The following MGAT4C variants were observed in gnomAD, a reference collection of about 807,000 sequenced individuals.
MGAT4C encodes alpha-1,3-mannosyl-glycoprotein 4-beta-N-acetylglucosaminyltransferase C.
MGAT4C carries 19 observed loss-of-function variants against 40.1 expected under a neutral mutation model. The ratio of observed to expected loss-of-function variants is 0.47; its 90% CI spans 0.33 to 0.70. MGAT4C has a LOEUF of 0.70. MGAT4C is among the 30% of genes least tolerant of loss of function. MGAT4C has a pLI of 0.02. For synonymous variants in MGAT4C, 181 were observed against 187.1 expected, an observed-to-expected ratio of 0.97 and a Z score of 0.27; for missense variants, 491 against 563.2, an observed-to-expected ratio of 0.87 and a Z score of 1.30.
intron 4 of MGAT4C, among the ~76,000 whole-genome samples, chr12:86,277,971 C>T (rs1250303147): frequency 3.9e-5 from 6 of 152,068 alleles, no homozygotes; most frequent in Non-Finnish European, 1.5e-5. Context: ...ATTAAATCTA[C>T]AGATTGCTTT....
chr12:85,969,175 T>A lies in MGAT4C; in HGVS notation c.*10114A>T, dbSNP rs554387960. The A allele has an allele frequency of 6.6e-6, 1 of 151,870 alleles. No individual in the cohort carries two copies. The highest frequency in any genetic ancestry group is 2.1e-4 in the South Asian group (1 of 4,828). The allele number at this position is 151,870 out of a possible 1,614,324, so 9.4% of individuals were successfully genotyped here. A position where few individuals can be genotyped will look rare whatever the true frequency, so the allele number is the denominator to read the frequency against. The stretch of plus-strand genomic sequence containing the variant: ...TTGAAAAGATGATTCTTTTGCATGA[T>A]GACTTGTTATAATCATTACTTTCAT... On this transcript the variant is annotated 3_prime_UTR_variant, in exon 5 of 5. Coordinates refer to ENST00000611864, the MANE Select transcript of MGAT4C (RefSeq NM_001351288.2).
intron 1 of MGAT4C, among the ~76,000 whole-genome samples, chr12:86,755,606 C>A (rs553621623): frequency 2.6e-4 from 38 of 146,488 alleles, no homozygotes; most frequent in Non-Finnish European, 2.9e-4. Flanking sequence ...CTTTCTCTCT[C>A]TCTCTTTCTT....
At chr12:85,982,894 T>C (rs1884773332) in intron 4 of MGAT4C, among the ~76,000 whole-genome samples, 2 of 152,276 alleles carry the variant, frequency 1.3e-5, no homozygotes, top group African/African-American at 4.8e-5. Flanking sequence ...AAGAAGGCCA[T>C]TGATGATGGA....
chr12:86,669,432 C>G (rs1257706753), intron 2 of MGAT4C, among the ~76,000 whole-genome samples: 1 of 152,158 alleles, frequency 6.6e-6, no homozygotes, highest in African/African-American at 2.4e-5. Flanking sequence ...AATGTTGGTG[C>G]AGAGGGTCCC....
intron 2 of MGAT4C, among the ~76,000 whole-genome samples, chr12:86,578,188 G>GAATGCT (rs1390758062): frequency 6.6e-6 from 1 of 151,794 alleles, no homozygotes; most frequent in African/African-American, 2.4e-5. Context: ...ATAGGAGGGT[G>GAATGCT]AATGCTAATG....
Position 85,958,224 on chromosome 12 carries a change from A to G in MGAT4C, c.*21065T>C, listed in dbSNP as rs1243052858. 6.6e-6 allele frequency: 1 copy of G among 152,170 alleles called. No individual in the cohort carries two copies. The highest frequency in any genetic ancestry group is 1.9e-4 in the East Asian group (1 of 5,172). 9.4% of individuals were successfully genotyped at this position (152,170 alleles called of 1,614,324 possible). On this transcript the variant is annotated 3_prime_UTR_variant, in exon 5 of 5. Transcript: ENST00000611864. The stretch of plus-strand genomic sequence containing the variant: ...GTAGCTAGGACCACAGGCGTGCTCT[A>G]CCACACTCAGATAATGTTTTGTATT...
At position 85,962,511 on chromosome 12, in the gene MGAT4C, G is replaced by A. The variant is rs1228333553; in HGVS notation, c.*16778C>T. The A allele has an allele frequency of 6.7e-6, 1 of 149,156 alleles. No individual in the cohort carries two copies. The highest frequency in any genetic ancestry group is 1.5e-5 in the Non-Finnish European group (1 of 67,128). 9.2% of individuals were successfully genotyped at this position (149,156 alleles called of 1,614,324 possible). On this transcript the variant is annotated 3_prime_UTR_variant, in exon 5 of 5. Coordinates refer to ENST00000611864, the MANE Select transcript of MGAT4C (RefSeq NM_001351288.2). ...TTTTATCCTCACAACAATTCAACAT[G>A]ATATGTATGGTTATTACTAAATGTA...
intron 1 of MGAT4C, among the ~76,000 whole-genome samples, chr12:86,078,708 C>T (rs1870255162): frequency 6.6e-6 from 1 of 152,176 alleles, no homozygotes; most frequent in Non-Finnish European, 1.5e-5. Context: ...TGGGCCCATG[C>T]ATAACCTCTA....
intron 1 of MGAT4C, among the ~76,000 whole-genome samples, chr12:86,148,529 G>A (rs1883854097): frequency 6.6e-6 from 1 of 152,142 alleles, no homozygotes; most frequent in Non-Finnish European, 1.5e-5. Flanking sequence ...GCAATTCTAT[G>A]TCTGTGCAAA....
chr12:85,997,427 A>G (rs1197311512), intron 2 of MGAT4C, among the ~76,000 whole-genome samples: 1 of 152,138 alleles, frequency 6.6e-6, no homozygotes, highest in African/African-American at 2.4e-5. Context: ...AGTCCCTCAA[A>G]GTCTAAACTC....
chr12:86,800,886 T>G (rs1468325482), intron 1 of MGAT4C, among the ~76,000 whole-genome samples: 11 of 151,884 alleles, frequency 7.2e-5, no homozygotes, highest in Admixed American at 1.3e-4. Context: ...GAAGAAATCC[T>G]GCTAAGTCAG....
At chr12:86,628,826 A>T (rs1463841288) in intron 2 of MGAT4C, among the ~76,000 whole-genome samples, 2 of 152,212 alleles carry the variant, frequency 1.3e-5, no homozygotes, top group African/African-American at 4.8e-5. Flanking sequence ...CGCTAGGAAG[A>T]AACTGCATCA....
rs377685525 is a variant in MGAT4C, at chr12:86,181,159, G to A, written c.-57+75080C>T. On this transcript the variant is annotated intron_variant, in intron 1 of 4. Transcript: ENST00000611864. Reference sequence around the variant, plus strand: ...TTCTTCCTCACTTTTCTCTTGCCGCGGCCATGTAAGAATTGCCTTTTGCCT... The same window carrying A: ...TTCTTCCTCACTTTTCTCTTGCCGCAGCCATGTAAGAATTGCCTTTTGCCT... Among the ~76,000 whole-genome samples the A allele has an allele frequency of 1.5e-4, 23 of 152,054 alleles. 1 individual carries two copies. Among genetic ancestry groups the A allele is most frequent in the African/African-American group, 4.8e-4 (20 of 41,462 alleles).
At chr12:86,829,390 A>G (rs570098928) in intron 1 of MGAT4C, among the ~76,000 whole-genome samples, 1 of 151,590 alleles carries the variant, frequency 6.6e-6, no homozygotes, top group Non-Finnish European at 1.5e-5. Flanking sequence ...TTGTCATCCT[A>G]TAAATATTCT....
chr12:86,194,288 T>G (rs933980147), intron 1 of MGAT4C, among the ~76,000 whole-genome samples: 1 of 152,052 alleles, frequency 6.6e-6, no homozygotes, highest in Non-Finnish European at 1.5e-5. Context: ...TATCACTGGG[T>G]TTCAGTGACA....
At chr12:85,999,565 A>ATG (rs1290099806) in intron 2 of MGAT4C, among the ~76,000 whole-genome samples, 2,189 of 100,134 alleles carry the variant, frequency 0.022, 31 homozygotes, top group African/African-American at 0.049. Context: ...GGTAAAGAAA[A>ATG]TGTGTGTGTG....
At chr12:86,509,840 A>C (rs1958541173) in intron 2 of MGAT4C, among the ~76,000 whole-genome samples, 1 of 152,178 alleles carries the variant, frequency 6.6e-6, no homozygotes, top group African/African-American at 2.4e-5. Context: ...ATGGGAGTTC[A>C]TTCATGATTT....
At chr12:86,170,765 C>A (rs904750592) in intron 1 of MGAT4C, among the ~76,000 whole-genome samples, 2 of 150,186 alleles carry the variant, frequency 1.3e-5, no homozygotes, top group African/African-American at 4.9e-5. Context: ...CCAGCCTGGG[C>A]AACAAGGCAA....
rs5799763 is a variant in MGAT4C at position 85,957,657 on chromosome 12, C to CAAAAAAAAAAAAAAAAAAG, written c.*21631_*21632insCTTTTTTTTTTTTTTTTTT. 3.0e-5 allele frequency: 3 copies of CAAAAAAAAAAAAAAAAAAG among 101,306 alleles called. No homozygotes were observed. Among genetic ancestry groups the CAAAAAAAAAAAAAAAAAAG allele is most frequent in the Non-Finnish European group, 3.8e-5 (2 of 52,742 alleles). The allele number at this position is 101,306 out of a possible 1,614,324, so 6.3% of individuals were successfully genotyped here. A position where few individuals can be genotyped will look rare whatever the true frequency, so the allele number is the denominator to read the frequency against. Reference sequence around the variant, plus strand: ...TTTACTGTAGAGTTGAATAAGAAAGCAAAAAAAAAAAAAAAAGAAAAAAGA... The same window carrying CAAAAAAAAAAAAAAAAAAG: ...TTTACTGTAGAGTTGAATAAGAAAGCAAAAAAAAAAAAAAAAAAGAAAAAAAAAAAAAAAAGAAAAAAGA... On this transcript the variant is annotated 3_prime_UTR_variant, in exon 5 of 5. Transcript: ENST00000611864.
Sources: allele counts gnomAD v4.1 joint callset (sites outside exome capture counted in the v4.1 genomes callset), GRCh38; gene constraint gnomAD v4.1.1; transcripts MANE v1.5; gene names NCBI Gene and HGNC (gene_info 2026-07-23, HGNC 2026-07-21).